SHFL: variants seen among roughly 807,000 people sequenced by gnomAD.
SHFL encodes the protein shiftless antiviral inhibitor of ribosomal frameshifting protein.
SHFL carries 12 observed loss-of-function variants against 34.7 expected under a neutral mutation model. That is an observed-to-expected ratio of 0.35 (90% confidence interval 0.22 to 0.56). The LOEUF is 0.56. Among genes scored for constraint, SHFL ranks in the 20% least tolerant of loss-of-function variants. The pLI is 0.88. For synonymous variants in SHFL, 148 were observed against 156.0 expected (o/e 0.95, Z 0.38); for missense variants, 278 against 411.1 (o/e 0.68, Z 2.80).
In SHFL at chr19:10,090,020, G is replaced by T; in HGVS notation, c.357G>T (p.Trp119Cys). 1 of 1,605,308 alleles carries T rather than the reference G, an allele frequency of 6.2e-7. No homozygotes were observed. Among genetic ancestry groups the T allele is most frequent in the Non-Finnish European group, 8.5e-7 (1 of 1,176,550 alleles). The change falls in exon 5 of 8, where the codon TGG becomes TGT. Residue 119 changes from tryptophan to cysteine, a missense_variant. Trp to Cys is a radical substitution (Grantham distance 215). Around this residue, in one of 2 missense-constraint regions of SHFL, gnomAD observed 243 missense variants for 386.2 expected, o/e 0.63. Transcript: ENST00000253110. The stretch of plus-strand genomic sequence containing the variant: ...CCTGCTCCTCCTGCGACCACGTCTG[G>T]TGGCGCCGCGTGCCCCAGCGGAAGG... ...QFACSSCDHVWWRRVPQRKEV... is the reference protein window; with the variant it reads ...QFACSSCDHVCWRRVPQRKEV...
At position 10,092,775 on chromosome 19, in the gene SHFL, G is replaced by C. The variant is rs2088423405; in HGVS notation, c.*473G>C. 4 of 1,596,742 alleles carry C rather than the reference G, an allele frequency of 2.5e-6. No homozygotes were observed. The highest frequency in any genetic ancestry group is 3.4e-6 in the Non-Finnish European group (4 of 1,166,904). ...AGCCTCCCCGCTGGTACAGGGCACA[G>C]TTACCTGAGGGGAGAGAGAGAGTCC... On this transcript the variant is annotated 3_prime_UTR_variant, in exon 8 of 8. Transcript: ENST00000253110.
chr19:10,087,819 TTGAA>T (rs61613120), intron 3 of SHFL: 36,328 of 155,136 alleles, frequency 0.23, 4,827 homozygotes, highest in African/African-American at 0.37. Flanking sequence ...AACCCTTGTG[TTGAA>T]TGAATGAATG....
chr19:10,087,424 T>C (rs1487588896), intron 3 of SHFL, 124 bp downstream of exon 3: 1 of 1,002,230 alleles, frequency 1.0e-6, no homozygotes, highest in Middle Eastern at 2.1e-4. Context: ...TGTCGGTCCA[T>C]AACTCATCAC....
At position 10,092,390 on chromosome 19, in the gene SHFL, A is replaced by C; in HGVS notation, c.*88A>C. The C allele has an allele frequency of 1.3e-6, 2 of 1,522,240 alleles. No homozygotes were observed. The highest frequency in any genetic ancestry group is 1.2e-5 in the South Asian group (1 of 80,512). 94.3% of individuals were successfully genotyped at this position (1,522,240 alleles called of 1,614,324 possible). The stretch of plus-strand genomic sequence containing the variant: ...ATGAGCTCAAACCGAGATATGAATG[A>C]CCTTGGGGAGCCATCTGAGGCCAAG... On this transcript the variant is annotated 3_prime_UTR_variant, in exon 8 of 8. Transcript: ENST00000253110.
At chr19:10,090,633 G>A (rs969802400) in intron 5 of SHFL, among the ~76,000 whole-genome samples, 2 of 151,836 alleles carry the variant, frequency 1.3e-5, no homozygotes, top group African/African-American at 4.8e-5. Flanking sequence ...TGTGGAGATG[G>A]GGTTTTGCCA....
Position 10,091,595 on chromosome 19 carries a change from A to G in SHFL, c.608A>G (p.His203Arg). 1 of 1,549,568 alleles carries G rather than the reference A, an allele frequency of 6.5e-7. No individual in the cohort carries two copies. The highest frequency in any genetic ancestry group is 1.2e-5 in the South Asian group (1 of 83,956). The change falls in exon 7 of 8, where the codon CAC becomes CGC. Residue 203 changes from histidine to arginine, a missense_variant. By Grantham distance (29) the His-to-Arg change is conservative (BLOSUM62 0). Coordinates refer to ENST00000253110, the MANE Select transcript of SHFL (RefSeq NM_018381.4). The surrounding 1 kb of genome is among the most constrained non-coding windows in gnomAD (Gnocchi z 8.2). ...CCGGATCGCCGCAGCACCCACACTCACTCCTGCTCAGCTGCCGACTGCTAC... is the reference window on the plus strand; with the variant it reads ...CCGGATCGCCGCAGCACCCACACTCGCTCCTGCTCAGCTGCCGACTGCTAC... ...RDPDRRSTHTHSCSAADCYNR... is the reference protein window; with the variant it reads ...RDPDRRSTHTRSCSAADCYNR...
intron 3 of SHFL, 96 bp from the exon 4 acceptor site, chr19:10,089,561 C>T: frequency 6.7e-7 from 1 of 1,487,830 alleles, no homozygotes; most frequent in Non-Finnish European, 9.2e-7. Flanking sequence ...GAGTTAGGGG[C>T]ACCCTACTCA....
intron 3 of SHFL, chr19:10,089,397 C>T (rs747463264): frequency 3.6e-5 from 57 of 1,598,360 alleles, no homozygotes; most frequent in Middle Eastern, 3.3e-4. Flanking sequence ...GGGGGTCAGG[C>T]TAGCCTCACT....
rs911257762 is a variant in SHFL, at chr19:10,093,018, C to A, written c.*716C>A. Reference sequence around the variant, plus strand: ...AAAGTACAAGTCACATCTTTCCCACCTTTTCTGCAAACTAGGAGTCTACCG... The same window carrying A: ...AAAGTACAAGTCACATCTTTCCCACATTTTCTGCAAACTAGGAGTCTACCG... On this transcript the variant is annotated 3_prime_UTR_variant, in exon 8 of 8. Coordinates refer to ENST00000253110, the MANE Select transcript of SHFL (RefSeq NM_018381.4). The A allele has an allele frequency of 8.2e-6, 4 of 487,264 alleles. No homozygotes were observed. The highest frequency in any genetic ancestry group is 7.1e-6 in the Non-Finnish European group (2 of 279,726). The allele number at this position is 487,264 out of a possible 1,614,324, so 30.2% of individuals were successfully genotyped here.
rs1243623689 is a variant in SHFL at position 10,092,851 on chromosome 19, C to A, written c.*549C>A. 1.4e-5 allele frequency: 19 copies of A among 1,315,614 alleles called. No homozygotes were observed. Among genetic ancestry groups the A allele is most frequent in the Non-Finnish European group, 1.8e-5 (18 of 979,440 alleles). The allele number at this position is 1,315,614 out of a possible 1,614,324, so 81.5% of individuals were successfully genotyped here. ...TCTACCTGCACCTCACAGTGCAAGG[C>A]TTTTGCCAGGCATCCCCTGGCCCCT... On this transcript the variant is annotated 3_prime_UTR_variant, in exon 8 of 8. Coordinates refer to ENST00000253110, the MANE Select transcript of SHFL (RefSeq NM_018381.4).
chr19:10,091,820 T>C lies in SHFL; in HGVS notation c.643+190T>C. 1.0e-6 allele frequency: 1 copy of C among 963,576 alleles called. No homozygotes were observed. Among genetic ancestry groups the C allele is most frequent in the Non-Finnish European group, 1.5e-6 (1 of 670,912 alleles). The allele number at this position is 963,576 out of a possible 1,614,324, so 59.7% of individuals were successfully genotyped here. A position where few individuals can be genotyped will look rare whatever the true frequency, so the allele number is the denominator to read the frequency against. ...AGGTTTCACCCCAGTGGCCCGTGCC[T>C]GAGGGTCCCCATGGCCTCTGCCCCC... On this transcript the variant is annotated intron_variant, in intron 7 of 7. Coordinates refer to ENST00000253110, the MANE Select transcript of SHFL (RefSeq NM_018381.4). This position sits in a 1 kb window ranked among gnomAD's most constrained non-coding sequence, Gnocchi z 8.2.
Position 10,089,981 on chromosome 19 carries a change from G to A in SHFL, c.318G>A (p.Val106=), listed in dbSNP as rs760635925. The change falls in exon 5 of 8, where the codon GTG becomes GTA. Residue 106 remains valine (V), a synonymous_variant. Coordinates refer to ENST00000253110, the MANE Select transcript of SHFL (RefSeq NM_018381.4). ...QRAQDDLIPA[V]DRQFACSSCD... ...CCCAGGACGACCTTATCCCTGCTGT[G>A]GACCGGCAGTTTGCCTGCTCCTCCT... 6.2e-7 allele frequency: 1 copy of A among 1,610,218 alleles called. No homozygotes were observed. The highest frequency in any genetic ancestry group is 8.5e-7 in the Non-Finnish European group (1 of 1,178,588).
Position 10,091,952 on chromosome 19 carries a change from G to T in SHFL, c.644-118G>T. 7 of 1,257,986 alleles carry T rather than the reference G, an allele frequency of 5.6e-6. No homozygotes were observed. Among genetic ancestry groups the T allele is most frequent in the Non-Finnish European group, 7.9e-6 (7 of 890,294 alleles). The allele number at this position is 1,257,986 out of a possible 1,614,324, so 77.9% of individuals were successfully genotyped here. A position where few individuals can be genotyped will look rare whatever the true frequency, so the allele number is the denominator to read the frequency against. ...ACACCCCTGAATGTCCAGTTGTGCTGGTCCCCGTATCTGGTGGTCTCAGCT... is the reference window on the plus strand; with the variant it reads ...ACACCCCTGAATGTCCAGTTGTGCTTGTCCCCGTATCTGGTGGTCTCAGCT... On this transcript the variant is annotated intron_variant, in intron 7 of 7. Transcript: ENST00000253110. The surrounding 1 kb of genome is among the most constrained non-coding windows in gnomAD (Gnocchi z 8.2).
At chr19:10,090,070 C>A in intron 5 of SHFL, 23 bp downstream of exon 5, 1 of 1,589,756 alleles carries the variant, frequency 6.3e-7, no homozygotes, top group Non-Finnish European at 8.6e-7. Flanking sequence ...AACTTAACCT[C>A]GACTTTGACT....
At position 10,091,995 on chromosome 19, in the gene SHFL, G is replaced by A. The variant is rs769677407; in HGVS notation, c.644-75G>A. ...TCTCAGCTCCTCCCTAGAGCCCCGC[G>A]TGGCCTAAGTCCCCTCCTCCCCAGA... is the stretch of plus-strand genomic sequence containing the variant. On this transcript the variant is annotated intron_variant, in intron 7 of 7. Transcript: ENST00000253110. This position sits in a 1 kb window ranked among gnomAD's most constrained non-coding sequence, Gnocchi z 8.2. 12 of 1,585,672 alleles carry A rather than the reference G, an allele frequency of 7.6e-6. No homozygotes were observed. The highest frequency in any genetic ancestry group is 1.7e-4 in the Middle Eastern group (1 of 5,938).
rs558036247 is a variant in SHFL at position 10,092,893 on chromosome 19, A to G, written c.*591A>G. Reference sequence around the variant, plus strand: ...CTGGCCCCTCCCATTCTTATTGAATACAAGCCCTGATCTTCCATCTCCTCA... The same window carrying G: ...CTGGCCCCTCCCATTCTTATTGAATGCAAGCCCTGATCTTCCATCTCCTCA... On this transcript the variant is annotated 3_prime_UTR_variant, in exon 8 of 8. Transcript: ENST00000253110. 5 of 875,802 alleles carry G rather than the reference A, an allele frequency of 5.7e-6. No homozygotes were observed. In the East Asian group the frequency reaches 1.2e-4, roughly 20 times the overall value. 54.3% of individuals were successfully genotyped at this position (875,802 alleles called of 1,614,324 possible). A position where few individuals can be genotyped will look rare whatever the true frequency, so the allele number is the denominator to read the frequency against.
In SHFL at chr19:10,090,387, T is replaced by C. The variant is rs564762279; in HGVS notation, c.384+340T>C. 5.6e-4 allele frequency: 129 copies of C among 232,426 alleles called. 1 individual carries two copies. Among genetic ancestry groups the C allele is most frequent in the Middle Eastern group, 3.4e-3 (2 of 582 alleles). The allele number at this position is 232,426 out of a possible 1,614,324, so 14.4% of individuals were successfully genotyped here. ...CTAAGTAGGGAGGATCGCTTGAATT[T>C]AGGAGTTTGAGACCAGCCTGGGTGA... On this transcript the variant is annotated intron_variant, in intron 5 of 7. Coordinates refer to ENST00000253110, the MANE Select transcript of SHFL (RefSeq NM_018381.4).
At position 10,086,851 on chromosome 19, in the gene SHFL, G is replaced by C. The variant is rs577611762; in HGVS notation, c.22-78G>C. 2.9e-5 allele frequency: 45 copies of C among 1,545,598 alleles called. No homozygotes were observed. Among genetic ancestry groups the C allele is most frequent in the Non-Finnish European group, 3.8e-5 (43 of 1,135,282 alleles). The stretch of plus-strand genomic sequence containing the variant: ...AAACCAAGGGTCAAGTTCGGGCCGG[G>C]AGAACGGTGCCTAGAGATGGGGGAG... On this transcript the variant is annotated intron_variant, in intron 1 of 7. Transcript: ENST00000253110. This position sits in a 1 kb window ranked among gnomAD's most constrained non-coding sequence, Gnocchi z 5.2.
Position 10,086,646 on chromosome 19 carries a change from GA to G in SHFL, c.21+202del. 1.7e-6 allele frequency: 1 copy of G among 572,996 alleles called. No individual in the cohort carries two copies. The highest frequency in any genetic ancestry group is 2.8e-6 in the Non-Finnish European group (1 of 350,936). 35.5% of individuals were successfully genotyped at this position (572,996 alleles called of 1,614,324 possible). On this transcript the variant is annotated intron_variant, in intron 1 of 7. Transcript: ENST00000253110. The surrounding 1 kb of genome is among the most constrained non-coding windows in gnomAD (Gnocchi z 5.2). ...CAGAGCGAAATGAGGCCTCCCCGAG[GA>G]AAAGCGGGGGCTGCAGGGTCAAAGG... is the stretch of plus-strand genomic sequence containing the variant.
Sources: gnomAD v4.1 joint callset for allele counts (sites outside exome capture counted in the v4.1 genomes callset) on GRCh38, gnomAD v4.1.1 for gene constraint, gnomAD v4.1.1 regional missense constraint, Gnocchi (gnomAD v3.1) non-coding constraint, MANE v1.5 for transcripts, NCBI Gene and HGNC (gene_info 2026-07-23, HGNC 2026-07-21) for gene names.